Variants in PEBP4 observed in about 807,000 individuals in gnomAD.
The protein encoded by PEBP4 is phosphatidylethanolamine-binding protein 4.
In PEBP4, 22 loss-of-function variants were observed where a neutral mutation model predicts 23.9. That is an observed-to-expected ratio of 0.92 (90% CI 0.66 to 1.31). PEBP4 has a LOEUF of 1.31. Among genes scored for constraint, PEBP4 ranks in the 40% most tolerant of loss-of-function variants. The pLI is 0.00. For missense variants in PEBP4, 324 were observed against 281.7 expected, an observed-to-expected ratio of 1.15 and a Z score of -1.07; for synonymous variants, 112 against 99.3, an observed-to-expected ratio of 1.13 and a Z score of -0.76.
At chr8:22,810,670 GT>G (rs1297175493) in intron 4 of PEBP4, among the ~76,000 whole-genome samples, 199 of 13,280 alleles carry the variant, frequency 0.015, no homozygotes, top group Non-Finnish European at 0.018. Flanking sequence ...TCATGGAGGG[GT>G]GTGTGTGTGT....
At chr8:22,864,472 G>A (rs1807843918) in intron 3 of PEBP4, among the ~76,000 whole-genome samples, 1 of 152,126 alleles carries the variant, frequency 6.6e-6, no homozygotes, top group African/African-American at 2.4e-5. Context: ...GGTGAAGATA[G>A]AACCACCAAT....
intron 4 of PEBP4, among the ~76,000 whole-genome samples, chr8:22,798,784 C>G (rs1806322898): frequency 8.1e-6 from 1 of 123,942 alleles, no homozygotes; most frequent in Non-Finnish European, 1.6e-5. Flanking sequence ...GTCACCCAGG[C>G]TGGAGTGCAG....
chr8:22,780,771 C>CT (rs761850910), intron 4 of PEBP4, among the ~76,000 whole-genome samples: 1 of 152,200 alleles, frequency 6.6e-6, no homozygotes. Context: ...CTGAGGGCGT[C>CT]TAAGGCTCAG....
intron 2 of PEBP4, among the ~76,000 whole-genome samples, chr8:22,924,245 TC>T (rs1809276493): frequency 6.6e-6 from 1 of 152,046 alleles, no homozygotes; most frequent in African/African-American, 2.4e-5. Flanking sequence ...GCACCTGTAG[TC>T]CCAGCTACTC....
chr8:22,854,018 G>GA (rs1039110029), intron 3 of PEBP4, among the ~76,000 whole-genome samples: 7 of 152,128 alleles, frequency 4.6e-5, no homozygotes, highest in African/African-American at 1.7e-4. Flanking sequence ...TCATATAAGA[G>GA]AAAAAAATGA....
At chr8:22,846,376 G>C (rs1377400307) in intron 3 of PEBP4, among the ~76,000 whole-genome samples, 1 of 152,182 alleles carries the variant, frequency 6.6e-6, no homozygotes, top group Non-Finnish European at 1.5e-5. Flanking sequence ...AGGAGCTCCT[G>C]CTTTTAAAGG....
At position 22,767,338 on chromosome 8, in the gene PEBP4, A is replaced by G. The variant is rs754976518; in HGVS notation, c.358-40118T>C. On this transcript the variant is annotated intron_variant, in intron 4 of 6. Coordinates refer to ENST00000256404, the MANE Select transcript of PEBP4 (RefSeq NM_144962.3). ...GATGTATCACAAGCAAATGCTGCCA[A>G]AAATAAAGTGCTGTGGTTTTTGAAT... Among the ~76,000 whole-genome samples the G allele has an allele frequency of 5.3e-5, 8 of 152,184 alleles. No homozygotes were observed. In the East Asian group the frequency reaches 7.7e-4, roughly 15 times the overall value.
chr8:22,761,653 T>C (rs1306846746), intron 4 of PEBP4, among the ~76,000 whole-genome samples: 1 of 152,234 alleles, frequency 6.6e-6, no homozygotes, highest in African/African-American at 2.4e-5. Flanking sequence ...ATGAGGTGAA[T>C]ATTAAACTGC....
intron 4 of PEBP4, among the ~76,000 whole-genome samples, chr8:22,799,759 T>A (rs1301872330): frequency 6.6e-6 from 1 of 152,034 alleles, no homozygotes; most frequent in African/African-American, 2.4e-5. Context: ...TGTGTCCAAG[T>A]GTTCTCATTG....
chr8:22,715,435 C>T (rs1033897252), intron 6 of PEBP4, among the ~76,000 whole-genome samples: 12 of 132,804 alleles, frequency 9.0e-5, no homozygotes, highest in East Asian at 2.3e-4. Flanking sequence ...TGTGCGCACG[C>T]GCACATGCCA....
chr8:22,861,786 G>T (rs1310462064), intron 3 of PEBP4, among the ~76,000 whole-genome samples: 1 of 152,200 alleles, frequency 6.6e-6, no homozygotes, highest in Non-Finnish European at 1.5e-5. Context: ...TCTTGACAGA[G>T]AGGTATGGGG....
At chr8:22,850,047 C>T (rs1363281953) in intron 3 of PEBP4, among the ~76,000 whole-genome samples, 1 of 151,528 alleles carries the variant, frequency 6.6e-6, no homozygotes, top group Non-Finnish European at 1.5e-5. Flanking sequence ...CAAATATGTC[C>T]ACACGTAAGG....
chr8:22,911,917 T>C (rs544459788), intron 3 of PEBP4, among the ~76,000 whole-genome samples: 4 of 152,304 alleles, frequency 2.6e-5, no homozygotes, highest in African/African-American at 9.6e-5. Context: ...CTGGAACCTG[T>C]TTCCCCAGCA....
intron 3 of PEBP4, among the ~76,000 whole-genome samples, chr8:22,829,624 T>C (rs1049348073): frequency 2.0e-5 from 3 of 151,980 alleles, no homozygotes; most frequent in East Asian, 1.9e-4. Context: ...AAGGAAGAGA[T>C]TGCTTCCTCT....
At chr8:22,820,256 G>T (rs916481998) in intron 3 of PEBP4, among the ~76,000 whole-genome samples, 1 of 152,168 alleles carries the variant, frequency 6.6e-6, no homozygotes, top group African/African-American at 2.4e-5. Flanking sequence ...AAGAGAGTGA[G>T]AAAATGAATA....
intron 3 of PEBP4, among the ~76,000 whole-genome samples, chr8:22,899,274 T>C (rs1808661760): frequency 6.6e-6 from 1 of 152,218 alleles, no homozygotes; most frequent in Admixed American, 6.5e-5. Context: ...CGGGGGCATT[T>C]GGCCATCATT....
At chr8:22,715,363 T>C (rs1255608801) in intron 6 of PEBP4, among the ~76,000 whole-genome samples, 1 of 152,268 alleles carries the variant, frequency 6.6e-6, no homozygotes, top group Non-Finnish European at 1.5e-5. Context: ...AAAGGAATTA[T>C]GGTATTATGA....
intron 4 of PEBP4, among the ~76,000 whole-genome samples, chr8:22,758,465 C>T (rs1805436991): frequency 6.6e-6 from 1 of 152,206 alleles, no homozygotes; most frequent in Non-Finnish European, 1.5e-5. Context: ...ACAGGCCCTA[C>T]AAAAATAGGT....
intron 3 of PEBP4, among the ~76,000 whole-genome samples, chr8:22,882,364 G>A (rs1194555814): frequency 6.6e-6 from 1 of 152,232 alleles, no homozygotes; most frequent in Non-Finnish European, 1.5e-5. Context: ...CCTGCACTGA[G>A]CAGAGGGGGG....
Sources: allele counts gnomAD v4.1 joint callset (sites outside exome capture counted in the v4.1 genomes callset), GRCh38; gene constraint gnomAD v4.1.1; transcripts MANE v1.5; gene names NCBI Gene and HGNC (gene_info 2026-07-23, HGNC 2026-07-21).